Variants in MSL2 observed in about 807,000 individuals in gnomAD.
The protein encoded by MSL2 is MSL complex subunit 2, also known as E3 ubiquitin-protein ligase MSL2.
MSL2 carries 2 observed loss-of-function variants against 35.8 expected under a neutral mutation model. The observed-to-expected ratio is 0.06, with a 90% confidence interval of 0.02 to 0.18. The LOEUF is 0.18. Ranked by LOEUF, MSL2 falls within the 10% of genes least tolerant of loss-of-function variation. The pLI, the probability that MSL2 is intolerant of heterozygous loss-of-function variation, is 1.00. For synonymous variants in MSL2, 296 were observed against 255.7 expected (o/e 1.16, Z -1.50); for missense variants, 523 against 706.7 (o/e 0.74, Z 2.95).
chr3:136,180,794 G>A (rs1216520221), intron 1 of MSL2, among the ~76,000 whole-genome samples: 1 of 71,834 alleles, frequency 1.4e-5, no homozygotes, highest in Non-Finnish European at 3.2e-5. Context: ...GGGAGGGAGG[G>A]AGGGAGGGAG....
chr3:136,176,080 G>A (rs1049303294), intron 1 of MSL2, among the ~76,000 whole-genome samples: 7 of 152,202 alleles, frequency 4.6e-5, no homozygotes, highest in South Asian at 4.2e-4. Flanking sequence ...AAACAAAAAC[G>A]ACTATACCAT....
At chr3:136,173,171 C>CA in intron 1 of MSL2, among the ~76,000 whole-genome samples, 1 of 152,058 alleles carries the variant, frequency 6.6e-6, no homozygotes, top group Admixed American at 6.6e-5. Context: ...TCAAAATAAA[C>CA]AAACAAACAA....
intron 1 of MSL2, among the ~76,000 whole-genome samples, chr3:136,154,480 C>T (rs777959309): frequency 1.3e-4 from 20 of 152,008 alleles, no homozygotes; most frequent in East Asian, 1.9e-4. Context: ...CCAATCCAGA[C>T]AAATGGTCAG....
intron 1 of MSL2, among the ~76,000 whole-genome samples, chr3:136,166,163 C>T (rs1046900223): frequency 1.4e-5 from 2 of 147,950 alleles, no homozygotes; most frequent in African/African-American, 5.0e-5. Flanking sequence ...CCGAGGTGGG[C>T]GGGTCACTTG....
intron 1 of MSL2, among the ~76,000 whole-genome samples, chr3:136,185,715 A>G (rs1209627475): frequency 6.6e-6 from 1 of 152,098 alleles, no homozygotes; most frequent in East Asian, 1.9e-4. Context: ...CATGTTGGCC[A>G]GGCTGGTCTC....
intron 1 of MSL2, among the ~76,000 whole-genome samples, chr3:136,170,547 G>A (rs1266563955): frequency 6.0e-5 from 7 of 116,946 alleles, no homozygotes; most frequent in South Asian, 2.7e-4. Context: ...TGGGAGTCTC[G>A]CTCTGTCGCC....
At chr3:136,159,777 G>C (rs1287891309) in intron 1 of MSL2, among the ~76,000 whole-genome samples, 1 of 151,952 alleles carries the variant, frequency 6.6e-6, no homozygotes, top group African/African-American at 2.4e-5. Flanking sequence ...AAATTAAAAT[G>C]ATCACAAACC....
chr3:136,194,610 A>G, intron 1 of MSL2: 1 of 289,098 alleles, frequency 3.5e-6, no homozygotes, highest in Non-Finnish European at 5.7e-6. Flanking sequence ...ATCATGTTTA[A>G]CCACTTTTAA....
intron 1 of MSL2, among the ~76,000 whole-genome samples, chr3:136,173,378 A>G (rs556635784): frequency 7.2e-5 from 11 of 152,234 alleles, no homozygotes; most frequent in Non-Finnish European, 1.3e-4. Flanking sequence ...CAAGCTTAAC[A>G]TGAGCAAATA....
Position 136,195,641 on chromosome 3 carries a change from GC to G in MSL2, c.-529del, listed in dbSNP as rs1940820444. On this transcript the variant is annotated 5_prime_UTR_variant, in exon 1 of 2. Coordinates refer to ENST00000309993, the MANE Select transcript of MSL2 (RefSeq NM_018133.4). ...CGGCAAGGACGACGGTCGGGCAGCG[GC>G]TTCCCGGATCTAGTGCAAGACGCCG... 1.0e-6 allele frequency: 1 copy of G among 980,234 alleles called. No individual in the cohort carries two copies. Among genetic ancestry groups the G allele is most frequent in the Non-Finnish European group, 1.2e-6 (1 of 825,144 alleles). The allele number at this position is 980,234 out of a possible 1,614,324, so 60.7% of individuals were successfully genotyped here.
At chr3:136,167,941 T>A (rs142787967) in intron 1 of MSL2, among the ~76,000 whole-genome samples, 9 of 152,164 alleles carry the variant, frequency 5.9e-5, no homozygotes, top group African/African-American at 2.2e-4. Flanking sequence ...TTTTCCGCTT[T>A]TATTGACGAG....
rs1939374311 is a variant in MSL2, at chr3:136,151,668, T to C, written c.1213A>G (p.Thr405Ala). Residue 405 changes from threonine (T) to alanine (A), a missense_variant, in exon 2 of 2, where the codon ACT becomes GCT. Coordinates refer to ENST00000309993, the MANE Select transcript of MSL2 (RefSeq NM_018133.4). The surrounding 1 kb of genome is among the most constrained non-coding windows in gnomAD (Gnocchi z 5.2). The part of the protein sequence containing the change: ...PKISKTVLLS[T>A]KSMKKSHEHG... ...TCATGACTCTTTTTCATGCTTTTAG[T>C]AGATAAAAGTACAGTTTTGCTGATT... The C allele has an allele frequency of 6.2e-7, 1 of 1,614,136 alleles. No homozygotes were observed. Among genetic ancestry groups the C allele is most frequent in the Non-Finnish European group, 8.5e-7 (1 of 1,180,018 alleles).
intron 1 of MSL2, among the ~76,000 whole-genome samples, chr3:136,181,323 T>C (rs969692775): frequency 5.3e-5 from 8 of 152,126 alleles, no homozygotes; most frequent in Non-Finnish European, 1.0e-4. Flanking sequence ...GTTAATAAAA[T>C]ACATGACTAA....
rs144210095 is a variant in MSL2, at chr3:136,169,141, A to G, written c.143-16403T>C. Among the ~76,000 whole-genome samples the G allele has an allele frequency of 1.4e-3, 190 of 137,170 alleles. 1 individual carries two copies. The highest frequency in any genetic ancestry group is 4.9e-3 in the African/African-American group (175 of 36,058). The allele number at this position is 137,170 out of a possible 152,430, so 90.0% of individuals were successfully genotyped here. ...CGCTGCAAACAGAAAATCTTCCACTATTTTGTACAGGAATGTAGTCTTGGA... is the reference window on the plus strand; with the variant it reads ...CGCTGCAAACAGAAAATCTTCCACTGTTTTGTACAGGAATGTAGTCTTGGA... On this transcript the variant is annotated intron_variant, in intron 1 of 1. Coordinates refer to ENST00000309993, the MANE Select transcript of MSL2 (RefSeq NM_018133.4).
At chr3:136,163,214 G>A (rs954611444) in intron 1 of MSL2, among the ~76,000 whole-genome samples, 13 of 152,186 alleles carry the variant, frequency 8.5e-5, no homozygotes, top group Non-Finnish European at 1.5e-4. Flanking sequence ...TGCTGAGATC[G>A]CACCATTGCA....
At chr3:136,169,276 G>T (rs1262893681) in intron 1 of MSL2, among the ~76,000 whole-genome samples, 2 of 132,760 alleles carry the variant, frequency 1.5e-5, no homozygotes, top group African/African-American at 2.9e-5. Context: ...AATGGTTACG[G>T]GTACATAATT....
Position 136,151,550 on chromosome 3 carries a change from A to G in MSL2, c.1331T>C (p.Met444Thr), listed in dbSNP as rs752477195. ...CACAGTCTTGGTAGGACTTCCTGGC[A>G]TAAAATGATGACTAGGAATCTTTTC... Reference protein sequence around the residue: ...VKEKIPSHHFMPGSPTKTVYK... With the variant: ...VKEKIPSHHFTPGSPTKTVYK... The change falls in exon 2 of 2, where the codon ATG becomes ACG. Residue 444 changes from methionine to threonine, a missense_variant. Physicochemically the swap from Met to Thr is moderately conservative, Grantham distance 81 (BLOSUM62 -1). Around this residue, in one of 5 missense-constraint regions of MSL2, gnomAD observed 361 missense variants for 414.6 expected, o/e 0.87. Transcript: ENST00000309993. The surrounding 1 kb of genome is among the most constrained non-coding windows in gnomAD (Gnocchi z 5.2). 6 of 1,614,078 alleles carry G rather than the reference A, an allele frequency of 3.7e-6. No individual in the cohort carries two copies. Among genetic ancestry groups the G allele is most frequent in the Admixed American group, 1.7e-5 (1 of 60,002 alleles).
At chr3:136,192,817 G>A (rs528379830) in intron 1 of MSL2, among the ~76,000 whole-genome samples, 1 of 152,290 alleles carries the variant, frequency 6.6e-6, no homozygotes, top group South Asian at 2.1e-4. Flanking sequence ...CCACGAATTT[G>A]AATGCACTAA....
chr3:136,188,812 A>T (rs1471299743), intron 1 of MSL2, among the ~76,000 whole-genome samples: 1 of 151,856 alleles, frequency 6.6e-6, no homozygotes, highest in African/African-American at 2.4e-5. Flanking sequence ...TACCAGACTG[A>T]AACAGTCTCA....
Sources: gnomAD v4.1 joint callset for allele counts (sites outside exome capture counted in the v4.1 genomes callset) on GRCh38, gnomAD v4.1.1 for gene constraint, gnomAD v4.1.1 regional missense constraint, Gnocchi (gnomAD v3.1) non-coding constraint, MANE v1.5 for transcripts, NCBI Gene and HGNC (gene_info 2026-07-23, HGNC 2026-07-21) for gene names.